CDKL5: variants seen among roughly 807,000 people sequenced by gnomAD.
The protein encoded by CDKL5 is cyclin dependent kinase like 5.
In CDKL5, 8 loss-of-function variants were observed where a neutral mutation model predicts 61.7. That is an observed-to-expected ratio of 0.13 (90% CI 0.08 to 0.23). CDKL5 has a LOEUF of 0.23. Among genes scored for constraint, CDKL5 ranks in the 10% least tolerant of loss-of-function variants. The pLI is 1.00. For synonymous variants in CDKL5, 275 were observed against 272.3 expected (o/e 1.01, Z -0.10); for missense variants, 440 against 734.5 (o/e 0.60, Z 4.63).
chrX:18,604,668 T>G lies in CDKL5; in HGVS notation c.1744T>G (p.Ser582Ala). 1.7e-6 allele frequency: 2 copies of G among 1,210,902 alleles called. No individual in the cohort carries two copies. The highest frequency in any genetic ancestry group is 1.8e-5 in the South Asian group (1 of 56,986). Residue 582 changes from serine (S) to alanine (A), a missense_variant, in exon 12 of 18, where the codon TCC (serine) becomes GCC (alanine). Physicochemically the swap from Ser to Ala is moderately conservative, Grantham distance 99. Around this residue, in one of 2 missense-constraint regions of CDKL5, gnomAD observed 363 missense variants for 516.3 expected, o/e 0.70. Transcript: ENST00000623535. ...KLPEHMDSSH[S>A]HSLSAPHESF... ...GCCGGAGCACATGGACAGTAGCCAT[T>G]CCCATTCACTGTCTGCACCTCACGA...
chrX:18,552,223 G>C (rs1223895592), intron 3 of CDKL5, among the ~76,000 whole-genome samples: 1 of 101,471 alleles, frequency 9.9e-6, no homozygotes, highest in Non-Finnish European at 2.0e-5. Context: ...GGGCAACAGA[G>C]TGAGACTCCG....
chrX:18,504,178 T>C (rs1922486703), intron 1 of CDKL5, among the ~76,000 whole-genome samples: 1 of 111,465 alleles, frequency 9.0e-6, no homozygotes, highest in African/African-American at 3.3e-5. Flanking sequence ...CAATCACAGC[T>C]CACTGCAGCT....
intron 3 of CDKL5, among the ~76,000 whole-genome samples, chrX:18,540,697 C>CT (rs1354742169): frequency 7.6e-5 from 8 of 105,368 alleles, no homozygotes; most frequent in Middle Eastern, 9.8e-3. Context: ...CCCTTCCCTT[C>CT]TTTTTTTTTG....
At chrX:18,652,539 G>GC (rs1393123583) in intron 21 of CDKL5, among the ~76,000 whole-genome samples, 3 of 111,415 alleles carry the variant, frequency 2.7e-5, no homozygotes, top group East Asian at 5.7e-4. Context: ...CGCAGTGGTT[G>GC]GCACCTGTAA....
intron 3 of CDKL5, among the ~76,000 whole-genome samples, chrX:18,532,617 G>A (rs1191855674): frequency 9.0e-6 from 1 of 111,576 alleles, no homozygotes; most frequent in African/African-American, 3.3e-5. Context: ...ACTACAGATC[G>A]TGGTGACTTT....
intron 3 of CDKL5, 23 bp downstream of exon 3, chrX:18,510,877 GA>G: frequency 9.3e-7 from 1 of 1,080,703 alleles, no homozygotes; most frequent in South Asian, 1.8e-5. Flanking sequence ...TTTTTAAAAA[GA>G]AATATCTGTA....
At chrX:18,527,444 A>G (rs1043988716) in intron 3 of CDKL5, among the ~76,000 whole-genome samples, 10 of 111,801 alleles carry the variant, frequency 8.9e-5, no homozygotes, top group Non-Finnish European at 1.7e-4. Flanking sequence ...TTATTATTTT[A>G]TGTGTAAATT....
chrX:18,547,683 G>A lies in CDKL5; in HGVS notation c.100-16794G>A, dbSNP rs16980809. ...TAGTGCTCAAGGTGTGGTGTACATT[G>A]GTCATCAGGCCAATATGATGGTGAT... On this transcript the variant is annotated intron_variant, in intron 3 of 17. Coordinates refer to ENST00000623535, the MANE Select transcript of CDKL5 (RefSeq NM_001323289.2). Among the ~76,000 whole-genome samples, 637 of 111,629 alleles carry A rather than the reference G, an allele frequency of 5.7e-3. 23 individuals are homozygous for A. The highest frequency in any genetic ancestry group is 0.051 in the Admixed American group (538 of 10,463).
intron 1 of CDKL5, among the ~76,000 whole-genome samples, chrX:18,432,259 G>A (rs746526954): frequency 9.2e-6 from 1 of 108,714 alleles, no homozygotes; most frequent in East Asian, 2.9e-4. Flanking sequence ...CACCATGCCC[G>A]GCTAATTTTT....
rs143669787 is a variant in CDKL5, at chrX:18,541,135, G to A, written c.100-23342G>A. On this transcript the variant is annotated intron_variant, in intron 3 of 17. Transcript: ENST00000623535. ...TTTTAGTTTTCAAAAGTTTCACTAT[G>A]ATGTGTCTTGGCTGGAATTACTTTG... Among the ~76,000 whole-genome samples the A allele has an allele frequency of 4.5e-5, 5 of 112,262 alleles. No individual in the cohort carries two copies. In the East Asian group the frequency reaches 1.4e-3, roughly 31 times the overall value.
At chrX:18,568,295 A>G (rs991780787) in intron 4 of CDKL5, among the ~76,000 whole-genome samples, 8 of 112,459 alleles carry the variant, frequency 7.1e-5, no homozygotes, top group African/African-American at 2.3e-4. Context: ...TCACAAATTT[A>G]TAAAAAATGT....
intron 1 of CDKL5, among the ~76,000 whole-genome samples, chrX:18,436,592 C>T (rs1021823946): frequency 1.4e-4 from 15 of 110,774 alleles, no homozygotes; most frequent in Non-Finnish European, 2.6e-4. Context: ...TTTTGCACAA[C>T]AGAACCTTTT....
At chrX:18,597,784 C>T (rs963651156) in intron 10 of CDKL5, among the ~76,000 whole-genome samples, 6 of 108,905 alleles carry the variant, frequency 5.5e-5, no homozygotes, top group East Asian at 2.9e-4. Context: ...TTAGTAGAGA[C>T]GGGTTTTCAC....
intron 1 of CDKL5, among the ~76,000 whole-genome samples, chrX:18,506,185 A>C (rs1480807536): frequency 9.0e-6 from 1 of 111,231 alleles, no homozygotes; most frequent in Non-Finnish European, 1.9e-5. Context: ...GCATTTCCTT[A>C]CTTTCTGGCA....
rs1473866522 is a variant in CDKL5 at position 18,629,015 on chromosome X, C to G, written c.*258C>G. ...CTTGTGTGAGAATAGATAGAGTGTG[C>G]CATTGAGGAAGAAGAAATTCTTGCC... On this transcript the variant is annotated 3_prime_UTR_variant, in exon 18 of 18. Transcript: ENST00000623535. 7.5e-6 allele frequency: 7 copies of G among 927,891 alleles called. No homozygotes were observed. The highest frequency in any genetic ancestry group is 9.3e-6 in the Non-Finnish European group (7 of 749,908). 76.5% of individuals were successfully genotyped at this position (927,891 alleles called of 1,213,427 possible).
intron 4 of CDKL5, among the ~76,000 whole-genome samples, chrX:18,574,470 T>A (rs1192488241): frequency 1.8e-5 from 2 of 111,601 alleles, no homozygotes; most frequent in African/African-American, 6.5e-5. Flanking sequence ...AACATGGTAG[T>A]TAGGATTTCC....
intron 3 of CDKL5, chrX:18,535,542 C>A (rs1456903510): frequency 8.9e-6 from 1 of 112,443 alleles, no homozygotes; most frequent in Non-Finnish European, 1.9e-5. Flanking sequence ...CCATTGGTGT[C>A]ATCTTCAGGC....
At chrX:18,620,295 A>G (rs971797838) in intron 16 of CDKL5, among the ~76,000 whole-genome samples, 11 of 112,350 alleles carry the variant, frequency 9.8e-5, no homozygotes, top group African/African-American at 3.2e-4. Context: ...CTGGGGATTT[A>G]AAGATATGCA....
chrX:18,541,138 G>GAAAC (rs1309503444), intron 3 of CDKL5, among the ~76,000 whole-genome samples: 1 of 112,184 alleles, frequency 8.9e-6, no homozygotes, highest in African/African-American at 3.2e-5. Context: ...TCACTATGAT[G>GAAAC]TGTCTTGGCT....
Sources: allele counts gnomAD v4.1 joint callset (sites outside exome capture counted in the v4.1 genomes callset), GRCh38; gene constraint gnomAD v4.1.1; regional missense constraint gnomAD v4.1.1; transcripts MANE v1.5; gene names NCBI Gene and HGNC (gene_info 2026-07-23, HGNC 2026-07-21).